The following ATP8A2 variants were observed in gnomAD, a reference collection of about 807,000 sequenced individuals.
ATP8A2 encodes the protein ATPase phospholipid transporting 8A2, also known as phospholipid-transporting ATPase IB.
A neutral mutation model predicts 165.6 loss-of-function variants in ATP8A2; 100 were observed. The ratio of observed to expected loss-of-function variants is 0.60; its 90% CI spans 0.51 to 0.71. The LOEUF (loss-of-function observed/expected upper bound fraction) is 0.71. ATP8A2 is among the 30% of genes least tolerant of loss of function. The pLI, the probability that ATP8A2 is intolerant of heterozygous loss-of-function variation, is 0.00. For missense variants in ATP8A2, 1,227 were observed against 1,479.5 expected (o/e 0.83, Z 2.80); for synonymous variants, 543 against 548.8 (o/e 0.99, Z 0.15).
At chr13:25,859,151 G>A (rs1016900407) in intron 30 of ATP8A2, among the ~76,000 whole-genome samples, 8 of 151,908 alleles carry the variant, frequency 5.3e-5, no homozygotes, top group African/African-American at 1.2e-4. Context: ...GCAGTGACCC[G>A]AGATTGTACC....
intron 2 of ATP8A2, among the ~76,000 whole-genome samples, chr13:25,507,147 T>C (rs1351354667): frequency 6.6e-6 from 1 of 151,672 alleles, no homozygotes; most frequent in Non-Finnish European, 1.5e-5. Flanking sequence ...GACATAGAAC[T>C]AAATACATGC....
At chr13:25,853,832 A>C (rs1025564037) in intron 30 of ATP8A2, among the ~76,000 whole-genome samples, 9 of 152,214 alleles carry the variant, frequency 5.9e-5, no homozygotes, top group African/African-American at 9.6e-5. Context: ...TGTTAAATCC[A>C]TGAGGCTGAT....
intron 8 of ATP8A2, 43 bp downstream of exon 8, chr13:25,540,431 A>G (rs1270572063): frequency 7.4e-7 from 1 of 1,351,838 alleles, no homozygotes; most frequent in South Asian, 1.2e-5. Flanking sequence ...GGTAGACACA[A>G]CTGCAAATGT....
intron 13 of ATP8A2, among the ~76,000 whole-genome samples, chr13:25,557,955 T>C (rs1195196702): frequency 6.6e-6 from 1 of 152,106 alleles, no homozygotes; most frequent in Non-Finnish European, 1.5e-5. Context: ...CCAGGCTGGA[T>C]TGCAATGGTG....
rs1324260494 is a variant in ATP8A2 at position 25,750,637 on chromosome 13, T to C, written c.2385-18409T>C. On this transcript the variant is annotated intron_variant, in intron 25 of 36. Transcript: ENST00000381655. This position sits in a 1 kb window ranked among gnomAD's most constrained non-coding sequence, Gnocchi z 4.3. ...TCTAGAAATGAGTGTGTTCCAGTAA[T>C]AGGGAGGAAGTGTGGGGAGCCTGGG... 2.0e-5 allele frequency among the ~76,000 whole-genome samples: 3 copies of C among 152,086 alleles called. No individual in the cohort carries two copies. Among genetic ancestry groups the C allele is most frequent in the Admixed American group, 2.0e-4 (3 of 15,272 alleles).
At chr13:25,701,622 G>T (rs1392453053) in intron 25 of ATP8A2, among the ~76,000 whole-genome samples, 1 of 152,084 alleles carries the variant, frequency 6.6e-6, no homozygotes, top group African/African-American at 2.4e-5. Flanking sequence ...GTTTTTAAGA[G>T]GGAAATCAAA....
chr13:25,720,961 CTTTT>C, intron 25 of ATP8A2, among the ~76,000 whole-genome samples: 1 of 129,752 alleles, frequency 7.7e-6, no homozygotes, highest in Non-Finnish European at 1.6e-5. Flanking sequence ...GGAGCTTTAG[CTTTT>C]TTTTTTTTTT....
At chr13:25,606,286 C>A (rs1452869394) in intron 24 of ATP8A2, among the ~76,000 whole-genome samples, 4 of 152,144 alleles carry the variant, frequency 2.6e-5, no homozygotes, top group Non-Finnish European at 4.4e-5. Flanking sequence ...GGAGGTGAAC[C>A]ATGAAAGGTA....
At chr13:25,615,842 G>A (rs1309411312) in intron 24 of ATP8A2, among the ~76,000 whole-genome samples, 1 of 152,162 alleles carries the variant, frequency 6.6e-6, no homozygotes, top group African/African-American at 2.4e-5. Flanking sequence ...TTCAGGGGCA[G>A]ACAGTTCCCC....
chr13:25,768,790 C>CCACTTAGCCCT (rs773284623), intron 25 of ATP8A2, among the ~76,000 whole-genome samples: 27 of 152,146 alleles, frequency 1.8e-4, no homozygotes, highest in Non-Finnish European at 2.2e-4. Flanking sequence ...CAGATGCCTC[C>CCACTTAGCCCT]CACTTAGCAG....
intron 1 of ATP8A2, among the ~76,000 whole-genome samples, chr13:25,440,230 C>A (rs981487776): frequency 1.3e-5 from 2 of 152,140 alleles, no homozygotes; most frequent in African/African-American, 4.8e-5. Flanking sequence ...TCTGGTGTTA[C>A]TGGGAAAGTA....
intron 34 of ATP8A2, among the ~76,000 whole-genome samples, chr13:25,966,048 A>T (rs982437487): frequency 1.4e-4 from 20 of 146,316 alleles, no homozygotes; most frequent in African/African-American, 4.3e-4. Flanking sequence ...AAAAAAAAGG[A>T]TGGAAAGTTC....
chr13:25,725,318 G>A (rs1311749071), intron 25 of ATP8A2, among the ~76,000 whole-genome samples: 1 of 152,236 alleles, frequency 6.6e-6, no homozygotes, highest in African/African-American at 2.4e-5. Context: ...TGAGTGAGGC[G>A]CTGCATGCCT....
chr13:25,889,245 C>CATATATATATATATAT (rs200723564), intron 33 of ATP8A2, among the ~76,000 whole-genome samples: 5,677 of 109,168 alleles, frequency 0.052, 303 homozygotes, highest in African/African-American at 0.092. Flanking sequence ...CATCCTTTGT[C>CATATATATATATATAT]ATATATATAT....
rs1470427988 is a variant in ATP8A2, at chr13:25,535,555, T to C, written c.507+2242T>C. 4.6e-5 allele frequency among the ~76,000 whole-genome samples: 7 copies of C among 152,182 alleles called. No homozygotes were observed. The East Asian group carries it at 1.3e-3, about 29-fold the overall frequency. On this transcript the variant is annotated intron_variant, in intron 6 of 36. Coordinates refer to ENST00000381655, the MANE Select transcript of ATP8A2 (RefSeq NM_016529.6). The stretch of plus-strand genomic sequence containing the variant: ...TTTCCAGGCCGGGCATGCTCACACC[T>C]GCAATCCCAGCACTTTGGGAGGCTG...
chr13:25,892,626 T>A (rs1310471805), intron 33 of ATP8A2, among the ~76,000 whole-genome samples: 1 of 151,636 alleles, frequency 6.6e-6, no homozygotes, highest in Non-Finnish European at 1.5e-5. Flanking sequence ...TCCCCTTTCT[T>A]CCACCTGTGT....
chr13:25,492,691 T>C (rs2036563456), intron 2 of ATP8A2, among the ~76,000 whole-genome samples: 1 of 152,220 alleles, frequency 6.6e-6, no homozygotes, highest in Non-Finnish European at 1.5e-5. Flanking sequence ...AATGAGAGTT[T>C]TCAACGTTTC....
chr13:25,465,717 TTCTTTCTTTC>T (rs1258403828), intron 1 of ATP8A2, among the ~76,000 whole-genome samples: 42 of 45,014 alleles, frequency 9.3e-4, no homozygotes, highest in African/African-American at 4.2e-3. Context: ...CTTTCTTTCT[TTCTTTCTTTC>T]TTTCTTTCTT....
At chr13:25,668,662 G>T (rs1281675406) in intron 24 of ATP8A2, among the ~76,000 whole-genome samples, 1 of 152,088 alleles carries the variant, frequency 6.6e-6, no homozygotes, top group Non-Finnish European at 1.5e-5. Flanking sequence ...CCATTTGCAT[G>T]TGTTGGTATG....
Sources: gnomAD v4.1 joint callset for allele counts (sites outside exome capture counted in the v4.1 genomes callset) on GRCh38, gnomAD v4.1.1 for gene constraint, Gnocchi (gnomAD v3.1) non-coding constraint, MANE v1.5 for transcripts, NCBI Gene and HGNC (gene_info 2026-07-23, HGNC 2026-07-21) for gene names.